The following RBFOX1 variants were observed in gnomAD, a reference collection of about 807,000 sequenced individuals.
RBFOX1 encodes RNA binding fox-1 homolog 1.
In RBFOX1, 8 loss-of-function variants were observed where a neutral mutation model predicts 57.7. The ratio of observed to expected loss-of-function variants is 0.14; its 90% CI spans 0.08 to 0.25. The LOEUF is 0.25. Among genes scored for constraint, RBFOX1 ranks in the 10% least tolerant of loss-of-function variants. The pLI is 1.00. For missense variants in RBFOX1, 611 were observed against 548.5 expected (o/e 1.11, Z -1.14); for synonymous variants, 326 against 222.4 (o/e 1.47, Z -4.15).
intron 2 of RBFOX1, among the ~76,000 whole-genome samples, chr16:6,647,583 A>G (rs566085408): frequency 6.6e-6 from 1 of 152,130 alleles, no homozygotes; most frequent in Non-Finnish European, 1.5e-5. Flanking sequence ...TTTAACCTTA[A>G]TCACTTCCTT....
chr16:7,218,683 C>CGTGTGTGTGTGTGTGT (rs2092469701), intron 4 of RBFOX1, among the ~76,000 whole-genome samples: 1 of 83,054 alleles, frequency 1.2e-5, no homozygotes, highest in Non-Finnish European at 2.4e-5. Context: ...TGTGTGTGTC[C>CGTGTGTGTGTGTGTGT]TTTTGTTCCT....
intron 1 of RBFOX1, among the ~76,000 whole-genome samples, chr16:5,320,897 G>T (rs1465530766): frequency 6.6e-6 from 1 of 152,178 alleles, no homozygotes; most frequent in Non-Finnish European, 1.5e-5. Context: ...GTCTCCTGCT[G>T]TTGCCCCAGG....
intron 4 of RBFOX1, among the ~76,000 whole-genome samples, chr16:5,922,518 C>T (rs1376884554): frequency 6.6e-6 from 1 of 152,148 alleles, no homozygotes; most frequent in Non-Finnish European, 1.5e-5. Context: ...AGCCCAGGCA[C>T]AGCATGTACT....
At chr16:6,614,862 T>C (rs777587365) in intron 2 of RBFOX1, among the ~76,000 whole-genome samples, 47 of 152,220 alleles carry the variant, frequency 3.1e-4, no homozygotes, top group Non-Finnish European at 5.7e-4. Context: ...CTTCTATTAA[T>C]AAAGTGACTC....
intron 4 of RBFOX1, among the ~76,000 whole-genome samples, chr16:7,445,908 T>C (rs1233257167): frequency 6.6e-6 from 1 of 152,210 alleles, no homozygotes; most frequent in East Asian, 1.9e-4. Flanking sequence ...ATTTTCCATT[T>C]TAGTTTAGCT....
intron 4 of RBFOX1, among the ~76,000 whole-genome samples, chr16:7,120,447 G>C (rs889312203): frequency 1.3e-5 from 2 of 151,914 alleles, no homozygotes; most frequent in African/African-American, 4.8e-5. Flanking sequence ...AAAAAGCAGA[G>C]ATGACAAAAA....
intron 3 of RBFOX1, among the ~76,000 whole-genome samples, chr16:6,811,361 T>C (rs1236574816): frequency 6.6e-6 from 1 of 152,202 alleles, no homozygotes; most frequent in Non-Finnish European, 1.5e-5. Context: ...TGGGGTAGGA[T>C]CACTTCTATT....
At chr16:6,232,771 G>T (rs2097474067) in intron 1 of RBFOX1, among the ~76,000 whole-genome samples, 1 of 152,094 alleles carries the variant, frequency 6.6e-6, no homozygotes, top group Non-Finnish European at 1.5e-5. Flanking sequence ...TGACCTCGAG[G>T]TCTTGCTCAG....
chr16:6,543,325 GAC>G (rs1275714227), intron 2 of RBFOX1, among the ~76,000 whole-genome samples: 2 of 152,082 alleles, frequency 1.3e-5, no homozygotes, highest in Non-Finnish European at 2.9e-5. Context: ...TACTGCTTGT[GAC>G]TTGACACAAT....
At chr16:6,088,486 A>G (rs1321309288) in intron 1 of RBFOX1, among the ~76,000 whole-genome samples, 2 of 151,848 alleles carry the variant, frequency 1.3e-5, no homozygotes, top group Non-Finnish European at 2.9e-5. Flanking sequence ...TCAACCATCC[A>G]TGCATCCTCC....
chr16:6,386,204 G>T (rs550102150), intron 2 of RBFOX1, among the ~76,000 whole-genome samples: 92 of 152,270 alleles, frequency 6.0e-4, no homozygotes, highest in Non-Finnish European at 1.1e-3. Context: ...CAAAGTGCTC[G>T]GATTACAGGC....
At chr16:5,460,950 T>C (rs982548595) in intron 1 of RBFOX1, among the ~76,000 whole-genome samples, 2 of 152,172 alleles carry the variant, frequency 1.3e-5, no homozygotes, top group South Asian at 4.1e-4. Context: ...GGTGAAGGGA[T>C]GTGCTCAGAT....
chr16:7,140,002 C>A (rs1310094075), intron 4 of RBFOX1, among the ~76,000 whole-genome samples: 1 of 151,904 alleles, frequency 6.6e-6, no homozygotes. Flanking sequence ...GCAGTGGATC[C>A]CAGGACACCT....
chr16:6,984,452 T>C (rs890240933), intron 3 of RBFOX1, among the ~76,000 whole-genome samples: 1 of 152,100 alleles, frequency 6.6e-6, no homozygotes, highest in Non-Finnish European at 1.5e-5. Context: ...AAACAATATA[T>C]ATCCCTATGG....
chr16:6,648,245 G>C (rs1397833177), intron 2 of RBFOX1, among the ~76,000 whole-genome samples: 1 of 151,324 alleles, frequency 6.6e-6, no homozygotes, highest in African/African-American at 2.4e-5. Context: ...TTTTTTTGTA[G>C]AGACACTGTC....
At chr16:5,823,438 A>T (rs923770365) in intron 3 of RBFOX1, among the ~76,000 whole-genome samples, 1 of 152,158 alleles carries the variant, frequency 6.6e-6, no homozygotes, top group Non-Finnish European at 1.5e-5. Context: ...GGAATAGTCG[A>T]TATTGCTTAT....
chr16:5,266,820 A>G lies in RBFOX1; in HGVS notation c.219+26715A>G, dbSNP rs376194464. Among the ~76,000 whole-genome samples, 42 of 152,064 alleles carry G rather than the reference A, an allele frequency of 2.8e-4. No individual in the cohort carries two copies. In the East Asian group the frequency reaches 7.4e-3, roughly 27 times the overall value. Reference sequence around the variant, plus strand: ...GCAATCTGCTCACCTCGGCCTCCCAAAGTGCTGGGATGACAGGCATGAGCC... The same window carrying G: ...GCAATCTGCTCACCTCGGCCTCCCAGAGTGCTGGGATGACAGGCATGAGCC... On this transcript the variant is annotated intron_variant, in intron 1 of 2. Coordinates refer to the RBFOX1 transcript ENST00000585867.
In RBFOX1 at chr16:7,709,072, G is replaced by A; in HGVS notation, c.1012G>A (p.Ala338Thr). Residue 338 changes from alanine (A) to threonine (T), a missense_variant, in exon 15 of 16, where the codon GCT (alanine) becomes ACT (threonine). Physicochemically the swap from Ala to Thr is moderately conservative, Grantham distance 58 (BLOSUM62 0). This residue lies in a region of RBFOX1 where 267 missense variants were observed against 229.1 expected (regional missense o/e 1.17). Transcript: ENST00000550418. ...TCCTTTCAGTTACGGACGAGTTTAT[G>A]CTGCCGACCCCTACCACCACGCACT... is the stretch of plus-strand genomic sequence containing the variant. ...AYSDSYGRVY[A>T]ADPYHHALAP... 1 of 1,613,770 alleles carries A rather than the reference G, an allele frequency of 6.2e-7. No homozygotes were observed. The highest frequency in any genetic ancestry group is 8.5e-7 in the Non-Finnish European group (1 of 1,179,798).
intron 1 of RBFOX1, among the ~76,000 whole-genome samples, chr16:5,241,278 C>A (rs2062160883): frequency 6.6e-6 from 1 of 152,198 alleles, no homozygotes; most frequent in Non-Finnish European, 1.5e-5. Flanking sequence ...GGACACCGAA[C>A]TCAGGTGAAT....
Sources: allele counts gnomAD v4.1 joint callset (sites outside exome capture counted in the v4.1 genomes callset), GRCh38; gene constraint gnomAD v4.1.1; regional missense constraint gnomAD v4.1.1; transcripts MANE v1.5; gene names NCBI Gene and HGNC (gene_info 2026-07-23, HGNC 2026-07-21).